The following STT3B variants were observed in gnomAD, a reference collection of about 807,000 sequenced individuals.
STT3B encodes STT3 oligosaccharyltransferase complex catalytic subunit B, also known as dolichyl-diphosphooligosaccharide--protein glycosyltransferase subunit STT3B.
In STT3B, 29 loss-of-function variants were observed where a neutral mutation model predicts 96.8. That is an observed-to-expected ratio of 0.30 (90% CI 0.22 to 0.41). The LOEUF is 0.41. STT3B is among the 10% of genes least tolerant of loss of function. The pLI is 1.00. For missense variants in STT3B, 640 were observed against 1,022.3 expected, an observed-to-expected ratio of 0.63 and a Z score of 5.10; for synonymous variants, 367 against 360.0, an observed-to-expected ratio of 1.02 and a Z score of -0.22.
chr3:31,578,050 G>A (rs533466394), intron 2 of STT3B, among the ~76,000 whole-genome samples: 6 of 152,000 alleles, frequency 3.9e-5, no homozygotes, highest in Non-Finnish European at 8.8e-5. Context: ...TTAGTTTGAG[G>A]TTTCTTATAC....
chr3:31,563,138 C>T (rs577208552), intron 1 of STT3B, among the ~76,000 whole-genome samples: 1 of 152,318 alleles, frequency 6.6e-6, no homozygotes, highest in African/African-American at 2.4e-5. Context: ...CCCATCACTA[C>T]TCTCTTGAAT....
chr3:31,533,323 C>A lies in STT3B; in HGVS notation c.314+11C>A. 1.3e-6 allele frequency: 2 copies of A among 1,515,228 alleles called. No individual in the cohort carries two copies. The highest frequency in any genetic ancestry group is 1.2e-5 in the South Asian group (1 of 81,904). 93.9% of individuals were successfully genotyped at this position (1,515,228 alleles called of 1,614,324 possible). ...CGAGTTCGACCCGTGGTAAGTGCCT[C>A]GCCGCCCCTCCCCCGCCCGTGGCCC... On this transcript the variant is annotated intron_variant, in intron 1 of 15. Transcript: ENST00000295770.
In STT3B at chr3:31,591,775, G is replaced by C. The variant is rs1698669936; in HGVS notation, c.712-5023G>C. Among the ~76,000 whole-genome samples, 4 of 152,116 alleles carry C rather than the reference G, an allele frequency of 2.6e-5. No homozygotes were observed. The South Asian group carries it at 8.3e-4, about 32-fold the overall frequency. On this transcript the variant is annotated intron_variant, in intron 3 of 15. Transcript: ENST00000295770. ...TATTAAATTAAGAAAACAATCAAGA[G>C]AGTCTTCTATATACTCCATATTTAC...
intron 4 of STT3B, among the ~76,000 whole-genome samples, chr3:31,597,946 G>A (rs1035298430): frequency 4.7e-5 from 7 of 150,146 alleles, no homozygotes; most frequent in Non-Finnish European, 7.4e-5. Context: ...AGCTATTCTC[G>A]CGCCTCAGCC....
chr3:31,622,356 A>T, intron 10 of STT3B, 48 bp downstream of exon 10: 6 of 1,475,800 alleles, frequency 4.1e-6, no homozygotes, highest in Non-Finnish European at 5.7e-6. Context: ...TCCTTTCTTA[A>T]TTTTTCCACC....
chr3:31,590,938 G>GA (rs774368848), intron 3 of STT3B, among the ~76,000 whole-genome samples: 22 of 152,044 alleles, frequency 1.4e-4, no homozygotes, highest in Admixed American at 3.3e-4. Flanking sequence ...ACATATGCTT[G>GA]AAAAGAACAT....
chr3:31,553,327 T>C (rs1042251337), intron 1 of STT3B, among the ~76,000 whole-genome samples: 2 of 152,140 alleles, frequency 1.3e-5, no homozygotes, highest in Non-Finnish European at 2.9e-5. Context: ...TCATATTTTA[T>C]AAGAATGAAT....
At chr3:31,558,617 A>T (rs549937505) in intron 1 of STT3B, among the ~76,000 whole-genome samples, 1 of 152,314 alleles carries the variant, frequency 6.6e-6, no homozygotes, top group African/African-American at 2.4e-5. Context: ...TTCATCAAGG[A>T]TATTGGCTTT....
chr3:31,605,672 T>C (rs978736165), intron 5 of STT3B, among the ~76,000 whole-genome samples: 1 of 152,214 alleles, frequency 6.6e-6, no homozygotes, highest in African/African-American at 2.4e-5. Flanking sequence ...TTTTTCTTTA[T>C]AAATTACCCA....
intron 3 of STT3B, 74 bp from the exon 4 acceptor site, chr3:31,596,724 A>C (rs983523198): frequency 1.7e-6 from 2 of 1,204,824 alleles, no homozygotes; most frequent in African/African-American, 1.5e-5. Context: ...GTGGTTACCA[A>C]ACATTTAACT....
intron 11 of STT3B, 39 bp from the exon 12 acceptor site, chr3:31,624,875 G>C (rs962806650): frequency 3.3e-6 from 5 of 1,521,130 alleles, no homozygotes; most frequent in Non-Finnish European, 4.5e-6. Context: ...CTTCACATTT[G>C]TGACATCTCA....
In STT3B at chr3:31,637,377, A is replaced by G. The variant is rs1304740983; in HGVS notation, c.*1313A>G. ...ATTTACAATATTCAGTGAGAATGTT[A>G]CTGCTGATTTTCTTTTCCAAGGTGT... On this transcript the variant is annotated 3_prime_UTR_variant, in exon 16 of 16. Transcript: ENST00000295770. 6.6e-6 allele frequency: 1 copy of G among 152,218 alleles called. No homozygotes were observed. Among genetic ancestry groups the G allele is most frequent in the Non-Finnish European group, 1.5e-5 (1 of 68,018 alleles). The allele number at this position is 152,218 out of a possible 1,614,324, so 9.4% of individuals were successfully genotyped here. A position where few individuals can be genotyped will look rare whatever the true frequency, so the allele number is the denominator to read the frequency against.
intron 1 of STT3B, among the ~76,000 whole-genome samples, chr3:31,568,112 G>T (rs12638174): frequency 0.044 from 6,632 of 151,350 alleles, 372 homozygotes; most frequent in East Asian, 0.32. Flanking sequence ...TGTAAAATTC[G>T]TCCTTCCATG....
At chr3:31,567,250 C>A (rs185855876) in intron 1 of STT3B, among the ~76,000 whole-genome samples, 39 of 152,318 alleles carry the variant, frequency 2.6e-4, no homozygotes, top group African/African-American at 9.4e-4. Flanking sequence ...TGCTCCACCT[C>A]GCTGCCTTTT....
intron 5 of STT3B, among the ~76,000 whole-genome samples, chr3:31,614,233 A>G (rs1384194647): frequency 6.6e-6 from 1 of 151,954 alleles, no homozygotes; most frequent in Non-Finnish European, 1.5e-5. Flanking sequence ...TTTGCCAAAA[A>G]CTATTAAATG....
chr3:31,636,104 G>T lies in STT3B; in HGVS notation c.*40G>T. Reference sequence around the variant, plus strand: ...TTCCTAACTTGAAGCAGTTGTCCTTGTGAGAACCGGTCTTTGCCTTTAGCT... The same window carrying T: ...TTCCTAACTTGAAGCAGTTGTCCTTTTGAGAACCGGTCTTTGCCTTTAGCT... On this transcript the variant is annotated 3_prime_UTR_variant, in exon 16 of 16. Transcript: ENST00000295770. The T allele has an allele frequency of 1.4e-6, 2 of 1,469,950 alleles. No individual in the cohort carries two copies. Among genetic ancestry groups the T allele is most frequent in the South Asian group, 1.3e-5 (1 of 77,030 alleles). 91.1% of individuals were successfully genotyped at this position (1,469,950 alleles called of 1,614,324 possible).
chr3:31,613,124 G>A (rs1699221882), intron 5 of STT3B, among the ~76,000 whole-genome samples: 1 of 152,034 alleles, frequency 6.6e-6, no homozygotes, highest in Non-Finnish European at 1.5e-5. Context: ...AATTCTTTAG[G>A]ACTATAGAGG....
intron 7 of STT3B, 109 bp downstream of exon 7, chr3:31,617,184 TTC>T: frequency 4.2e-6 from 3 of 716,162 alleles, no homozygotes; most frequent in Admixed American, 3.8e-5. Context: ...AGTGATTTTT[TTC>T]TTTTTTTTTT....
At chr3:31,534,921 A>G (rs1297882207) in intron 1 of STT3B, among the ~76,000 whole-genome samples, 1 of 152,240 alleles carries the variant, frequency 6.6e-6, no homozygotes, top group Non-Finnish European at 1.5e-5. Flanking sequence ...ACACAATATT[A>G]TTAGGTGGTC....
Sources: allele counts gnomAD v4.1 joint callset (sites outside exome capture counted in the v4.1 genomes callset), GRCh38; gene constraint gnomAD v4.1.1; transcripts MANE v1.5; gene names NCBI Gene and HGNC (gene_info 2026-07-23, HGNC 2026-07-21).